The following ARHGAP26 variants were observed in gnomAD, a reference collection of about 807,000 sequenced individuals.
ARHGAP26 encodes Rho GTPase activating protein 26, also known as rho GTPase-activating protein 26.
ARHGAP26 carries 38 observed loss-of-function variants against 104.8 expected under a neutral mutation model. The observed-to-expected ratio is 0.36, with a 90% CI of 0.28 to 0.48. The LOEUF is 0.48. Among genes scored for constraint, ARHGAP26 ranks in the 20% least tolerant of loss-of-function variants. The pLI, the probability that ARHGAP26 is intolerant of heterozygous loss-of-function variation, is 0.99. For missense variants in ARHGAP26, 704 were observed against 947.9 expected (o/e 0.74, Z 3.38); for synonymous variants, 341 against 340.0 (o/e 1.00, Z -0.03).
chr5:143,174,525 T>C (rs572514379), intron 20 of ARHGAP26, among the ~76,000 whole-genome samples: 2 of 152,220 alleles, frequency 1.3e-5, no homozygotes, highest in Non-Finnish European at 2.9e-5. Context: ...TTTTCCTGTC[T>C]ACCCTTTTAT....
chr5:143,072,208 G>A (rs1490405400), intron 17 of ARHGAP26, among the ~76,000 whole-genome samples: 2 of 152,152 alleles, frequency 1.3e-5, no homozygotes, highest in African/African-American at 4.8e-5. Context: ...TAAAACCACA[G>A]TGAGGTATCA....
At chr5:143,041,766 C>T (rs1783506436) in intron 13 of ARHGAP26, 50 bp from the exon 14 acceptor site, 1 of 1,324,070 alleles carries the variant, frequency 7.6e-7, no homozygotes, top group Admixed American at 1.9e-5. Context: ...ATTGGCCTGA[C>T]TTGTGTTCTG....
At chr5:142,983,299 C>G (rs183034089) in intron 11 of ARHGAP26, among the ~76,000 whole-genome samples, 1 of 152,160 alleles carries the variant, frequency 6.6e-6, no homozygotes. Flanking sequence ...CTCCACCTCC[C>G]GGGTTCAAGC....
chr5:142,851,153 A>G (rs753013850), intron 1 of ARHGAP26, among the ~76,000 whole-genome samples: 1 of 149,946 alleles, frequency 6.7e-6, no homozygotes, highest in Non-Finnish European at 1.5e-5. Context: ...GCTGGAGTGC[A>G]GTGCATGATC....
At position 142,803,053 on chromosome 5, in the gene ARHGAP26, A is replaced by G. The variant is rs372696169; in HGVS notation, c.154+32138A>G. 6.1e-4 allele frequency among the ~76,000 whole-genome samples: 93 copies of G among 152,204 alleles called. No homozygotes were observed. The East Asian group carries it at 0.012, about 20-fold the overall frequency. ...AATCCAGCCTCATGCGCAGACTGTC[A>G]TAAAGTATGGGAACCTTATCTTTCT... On this transcript the variant is annotated intron_variant, in intron 1 of 22. Coordinates refer to ENST00000645722, the MANE Select transcript of ARHGAP26 (RefSeq NM_001135608.3).
At chr5:142,854,705 A>T (rs758955778) in intron 1 of ARHGAP26, among the ~76,000 whole-genome samples, 6 of 152,186 alleles carry the variant, frequency 3.9e-5, no homozygotes, top group African/African-American at 7.2e-5. Context: ...TTCGTTACTG[A>T]TATGAGACCG....
chr5:142,813,541 A>G (rs937215655), intron 1 of ARHGAP26, among the ~76,000 whole-genome samples: 3 of 152,208 alleles, frequency 2.0e-5, no homozygotes, highest in Non-Finnish European at 4.4e-5. Flanking sequence ...CAGTTTCAAT[A>G]ACAAAACTTG....
At chr5:143,146,930 A>C (rs1799231214) in intron 19 of ARHGAP26, among the ~76,000 whole-genome samples, 2 of 152,216 alleles carry the variant, frequency 1.3e-5, no homozygotes, top group African/African-American at 4.8e-5. Flanking sequence ...AGTCAAAAGA[A>C]GATGCAATTT....
chr5:142,997,785 G>A (rs74615623), intron 11 of ARHGAP26, among the ~76,000 whole-genome samples: 5,500 of 151,278 alleles, frequency 0.036, 154 homozygotes, highest in Middle Eastern at 0.072. Flanking sequence ...GTTTCTTTTG[G>A]TGATTTTGCT....
chr5:143,169,213 G>T (rs1802441556), intron 20 of ARHGAP26, among the ~76,000 whole-genome samples: 1 of 152,250 alleles, frequency 6.6e-6, no homozygotes, highest in African/African-American at 2.4e-5. Context: ...TGTACAGACA[G>T]TTCTATTCAA....
chr5:143,135,742 A>G (rs1025629513), intron 19 of ARHGAP26, among the ~76,000 whole-genome samples: 1 of 152,196 alleles, frequency 6.6e-6, no homozygotes, highest in Non-Finnish European at 1.5e-5. Context: ...CTCTTTTTTC[A>G]TGAACATTTC....
At chr5:143,000,480 G>T (rs1057321995) in intron 11 of ARHGAP26, among the ~76,000 whole-genome samples, 29 of 152,222 alleles carry the variant, frequency 1.9e-4, no homozygotes, top group African/African-American at 7.0e-4. Flanking sequence ...CAACATGGAT[G>T]AATATTAAAA....
At chr5:143,221,419 G>A (rs150708300) in intron 22 of ARHGAP26, among the ~76,000 whole-genome samples, 1,601 of 82,134 alleles carry the variant, frequency 0.019, 30 homozygotes, top group African/African-American at 0.077. Flanking sequence ...CAAAATGACA[G>A]CAACCAAAAA....
At chr5:143,097,897 A>G (rs994260303) in intron 17 of ARHGAP26, among the ~76,000 whole-genome samples, 4 of 152,108 alleles carry the variant, frequency 2.6e-5, no homozygotes, top group Non-Finnish European at 2.9e-5. Context: ...TGTCTCTGAC[A>G]TATTTCATTT....
chr5:143,048,355 G>A (rs560714570), intron 14 of ARHGAP26, among the ~76,000 whole-genome samples: 57 of 152,032 alleles, frequency 3.7e-4, no homozygotes, highest in Admixed American at 1.2e-3. Flanking sequence ...CCACCTCCTA[G>A]GTTCAAGTGA....
chr5:142,855,212 C>T (rs1457746277), intron 1 of ARHGAP26, among the ~76,000 whole-genome samples: 1 of 152,060 alleles, frequency 6.6e-6, no homozygotes, highest in Non-Finnish European at 1.5e-5. Context: ...TTTAAAACCC[C>T]CATTACAGAA....
chr5:142,871,008 A>G lies in ARHGAP26; in HGVS notation c.155-2392A>G, dbSNP rs896395611. Reference sequence around the variant, plus strand: ...AAATTCCTCTATCAAGCCTGAGGTGAGTTCCTTTTTCAGGTCCATTCATCA... The same window carrying G: ...AAATTCCTCTATCAAGCCTGAGGTGGGTTCCTTTTTCAGGTCCATTCATCA... On this transcript the variant is annotated intron_variant, in intron 1 of 22. Coordinates refer to ENST00000645722, the MANE Select transcript of ARHGAP26 (RefSeq NM_001135608.3). The surrounding 1 kb of genome is among the most constrained non-coding windows in gnomAD (Gnocchi z 4.1). 8.5e-5 allele frequency among the ~76,000 whole-genome samples: 13 copies of G among 152,192 alleles called. 1 individual carries two copies. Among genetic ancestry groups the G allele is most frequent in the Admixed American group, 8.5e-4 (13 of 15,280 alleles).
At chr5:143,126,613 A>G (rs570192909) in intron 18 of ARHGAP26, among the ~76,000 whole-genome samples, 64 of 152,332 alleles carry the variant, frequency 4.2e-4, no homozygotes, top group Non-Finnish European at 7.9e-4. Flanking sequence ...CTTGGAGGTT[A>G]GAGAGAGATT....
chr5:142,858,006 G>A (rs777093932), intron 1 of ARHGAP26, among the ~76,000 whole-genome samples: 9 of 151,158 alleles, frequency 6.0e-5, no homozygotes, highest in Non-Finnish European at 7.4e-5. Context: ...CAAGAAACAC[G>A]TCTCCAAAGA....
Sources: gnomAD v4.1 joint callset for allele counts (sites outside exome capture counted in the v4.1 genomes callset) on GRCh38, gnomAD v4.1.1 for gene constraint, Gnocchi (gnomAD v3.1) non-coding constraint, MANE v1.5 for transcripts, NCBI Gene and HGNC (gene_info 2026-07-23, HGNC 2026-07-21) for gene names.